Variants in F13A1 observed in about 807,000 individuals in gnomAD.
F13A1 encodes the protein coagulation factor XIII A chain.
A neutral mutation model predicts 80.1 loss-of-function variants in F13A1; 47 were observed. That is an observed-to-expected ratio of 0.59 (90% CI 0.46 to 0.75). F13A1 has a LOEUF of 0.75. Among genes scored for constraint, F13A1 ranks in the 30% least tolerant of loss-of-function variants. F13A1 has a pLI of 0.00. For synonymous variants in F13A1, 349 were observed against 344.9 expected (o/e 1.01, Z -0.13); for missense variants, 817 against 930.4 (o/e 0.88, Z 1.59).
intron 3 of F13A1, among the ~76,000 whole-genome samples, chr6:6,294,835 C>T (rs1337826787): frequency 2.0e-5 from 3 of 150,610 alleles, no homozygotes; most frequent in East Asian, 1.9e-4. Flanking sequence ...TGGTGGTGCG[C>T]TGCACCCACT....
intron 8 of F13A1, among the ~76,000 whole-genome samples, chr6:6,201,454 T>G (rs1583068992): frequency 1.3e-5 from 2 of 152,128 alleles, no homozygotes; most frequent in African/African-American, 4.8e-5. Context: ...GGTGGAAAGC[T>G]AATGGCTCAG....
At chr6:6,279,184 C>A (rs1758028103) in intron 3 of F13A1, among the ~76,000 whole-genome samples, 1 of 152,134 alleles carries the variant, frequency 6.6e-6, no homozygotes, top group Admixed American at 6.5e-5. Flanking sequence ...AATGTGGCCA[C>A]CAGAAGCACA....
chr6:6,274,918 G>C lies in F13A1; in HGVS notation c.320-8109C>G, dbSNP rs17141994. Among the ~76,000 whole-genome samples, 673 of 152,300 alleles carry C rather than the reference G, an allele frequency of 4.4e-3. 3 individuals carry two copies. Among genetic ancestry groups the C allele is most frequent in the African/African-American group, 0.015 (638 of 41,558 alleles). On this transcript the variant is annotated intron_variant, in intron 3 of 14. Transcript: ENST00000264870. Reference sequence around the variant, plus strand: ...ATAAAGGGAATGGCAGGAAACTCAGGATACCTGTGGCAGAAGAAGCATTTG... The same window carrying C: ...ATAAAGGGAATGGCAGGAAACTCAGCATACCTGTGGCAGAAGAAGCATTTG...
intron 8 of F13A1, among the ~76,000 whole-genome samples, chr6:6,209,515 TA>T (rs895801064): frequency 6.6e-6 from 1 of 151,830 alleles, no homozygotes; most frequent in African/African-American, 2.4e-5. Flanking sequence ...CCATGAGAAA[TA>T]AAAAACATAT....
intron 14 of F13A1, among the ~76,000 whole-genome samples, chr6:6,147,212 A>C (rs1445307416): frequency 2.0e-5 from 3 of 152,234 alleles, no homozygotes; most frequent in Non-Finnish European, 2.9e-5. Context: ...TATACTGCTT[A>C]GGTGATGGGT....
intron 3 of F13A1, 84 bp from the exon 4 acceptor site, chr6:6,266,893 G>T: frequency 6.4e-7 from 1 of 1,556,666 alleles, no homozygotes; most frequent in South Asian, 1.1e-5. Flanking sequence ...TAGCTGAAGG[G>T]ACAGGAGTAA....
chr6:6,248,338 T>C lies in F13A1; in HGVS notation c.772A>G (p.Lys258Glu). The C allele has an allele frequency of 6.2e-7, 1 of 1,613,968 alleles. No homozygotes were observed. The highest frequency in any genetic ancestry group is 8.5e-7 in the Non-Finnish European group (1 of 1,179,874). The change falls in exon 6 of 15, where the codon AAA becomes GAA. Residue 258 changes from lysine to glutamate, a missense_variant. Coordinates refer to ENST00000264870, the MANE Select transcript of F13A1 (RefSeq NM_000129.4). ...MDLSGRGNPI[K>E]VSRVGSAMVN... The stretch of plus-strand genomic sequence containing the variant: ...ATTGCAGACCCCACACGGCTGACTT[T>C]GATGGGATTCCCTCTTCCAGAGAGG...
chr6:6,285,842 A>T (rs914760951), intron 3 of F13A1, among the ~76,000 whole-genome samples: 1 of 152,338 alleles, frequency 6.6e-6, no homozygotes, highest in East Asian at 1.9e-4. Context: ...TTCCCAATAA[A>T]ACCTCAGCAG....
chr6:6,274,333 T>C (rs1757959446), intron 3 of F13A1, among the ~76,000 whole-genome samples: 1 of 152,216 alleles, frequency 6.6e-6, no homozygotes, highest in Admixed American at 6.5e-5. Context: ...TCTTTTGGAG[T>C]AAATGTAAGG....
chr6:6,196,346 C>T (rs1441481649), intron 9 of F13A1, among the ~76,000 whole-genome samples: 2 of 152,150 alleles, frequency 1.3e-5, no homozygotes, highest in African/African-American at 4.8e-5. Flanking sequence ...TTTGGCCATG[C>T]CCACCATGCA....
At chr6:6,212,644 A>G (rs1056149891) in intron 8 of F13A1, among the ~76,000 whole-genome samples, 1 of 152,266 alleles carries the variant, frequency 6.6e-6, no homozygotes, top group Non-Finnish European at 1.5e-5. Flanking sequence ...AAAGGAATGC[A>G]GTTCCTCACC....
intron 11 of F13A1, among the ~76,000 whole-genome samples, chr6:6,179,580 C>T (rs972448686): frequency 1.3e-5 from 2 of 152,208 alleles, no homozygotes; most frequent in Non-Finnish European, 2.9e-5. Context: ...TTCTACCCGC[C>T]ACATTCAGAT....
chr6:6,226,400 G>A (rs1757276353), intron 6 of F13A1, among the ~76,000 whole-genome samples: 1 of 152,012 alleles, frequency 6.6e-6, no homozygotes, highest in Admixed American at 6.5e-5. Context: ...TGATTTGTGT[G>A]CACATTCGTT....
chr6:6,212,264 G>C lies in F13A1; in HGVS notation c.1112+9769C>G, dbSNP rs564307896. 1.8e-4 allele frequency among the ~76,000 whole-genome samples: 27 copies of C among 152,328 alleles called. No individual in the cohort carries two copies. In the South Asian group the frequency reaches 2.1e-3, roughly 12 times the overall value. ...CAAAAAGACAGCAGTAACCTCTGCA[G>C]ACTTAAATGTCCCTGTCTGACAGCT... On this transcript the variant is annotated intron_variant, in intron 8 of 14. Coordinates refer to ENST00000264870, the MANE Select transcript of F13A1 (RefSeq NM_000129.4).
chr6:6,285,379 A>C lies in F13A1; in HGVS notation c.320-18570T>G, dbSNP rs187916808. 2.6e-4 allele frequency among the ~76,000 whole-genome samples: 39 copies of C among 152,374 alleles called. 2 individuals are homozygous for C. The East Asian group carries it at 6.7e-3, about 26-fold the overall frequency. On this transcript the variant is annotated intron_variant, in intron 3 of 14. Transcript: ENST00000264870. ...AACCAGACATGGGACAAGATGTTATAGAGATTTGTAAACAGAATTGGAAAG... is the reference window on the plus strand; with the variant it reads ...AACCAGACATGGGACAAGATGTTATCGAGATTTGTAAACAGAATTGGAAAG...
chr6:6,304,250 T>C (rs1456051403), intron 3 of F13A1, among the ~76,000 whole-genome samples: 1 of 152,116 alleles, frequency 6.6e-6, no homozygotes, highest in Non-Finnish European at 1.5e-5. Flanking sequence ...CCCCTTAAAC[T>C]CTTCCTAAAA....
chr6:6,214,844 G>A (rs1276809311), intron 8 of F13A1, among the ~76,000 whole-genome samples: 1 of 73,768 alleles, frequency 1.4e-5, no homozygotes, highest in East Asian at 3.2e-4. Flanking sequence ...ATGATAAAGG[G>A]GATATCACCA....
chr6:6,205,571 A>G (rs935529993), intron 8 of F13A1, among the ~76,000 whole-genome samples: 3 of 152,234 alleles, frequency 2.0e-5, no homozygotes, highest in Admixed American at 2.0e-4. Context: ...TTAAGCTTCC[A>G]AGAACAGATT....
At chr6:6,201,502 C>T (rs1156411291) in intron 8 of F13A1, among the ~76,000 whole-genome samples, 1 of 152,174 alleles carries the variant, frequency 6.6e-6, no homozygotes, top group East Asian at 1.9e-4. Context: ...GAGGGTGCTA[C>T]CTCCACAGCC....
Sources: gnomAD v4.1 joint callset for allele counts (sites outside exome capture counted in the v4.1 genomes callset) on GRCh38, gnomAD v4.1.1 for gene constraint, MANE v1.5 for transcripts, NCBI Gene and HGNC (gene_info 2026-07-23, HGNC 2026-07-21) for gene names.